Variants in LY96 observed in about 807,000 individuals in gnomAD.
LY96 encodes lymphocyte antigen 96.
In LY96, 18 loss-of-function variants were observed where a neutral mutation model predicts 18.9. That is an observed-to-expected ratio of 0.95 (90% CI 0.66 to 1.41). The LOEUF (loss-of-function observed/expected upper bound fraction) is 1.41, where lower values mean the gene tolerates loss of function less well. Among genes scored for constraint, LY96 ranks in the 40% most tolerant of loss-of-function variants. The pLI, the probability that LY96 is intolerant of heterozygous loss-of-function variation, is 0.00. For missense variants in LY96, 175 were observed against 182.4 expected, an observed-to-expected ratio of 0.96 and a Z score of 0.23; for synonymous variants, 66 against 62.6, an observed-to-expected ratio of 1.06 and a Z score of -0.26.
chr8:74,085,031 T>C, the LY96 span, among the ~76,000 whole-genome samples: 1 of 152,240 alleles, frequency 6.6e-6, no homozygotes, highest in African/African-American at 2.4e-5. Flanking sequence ...AGATAGACTT[T>C]CTGTTTAACT....
the LY96 span, among the ~76,000 whole-genome samples, chr8:74,082,978 G>A: frequency 3.9e-5 from 6 of 152,090 alleles, no homozygotes; most frequent in African/African-American, 1.2e-4. Context: ...AGGTGAGAGA[G>A]GACTTCCTGC....
At chr8:74,026,113 T>C (rs1186639150) in intron 3 of LY96, among the ~76,000 whole-genome samples, 1 of 151,892 alleles carries the variant, frequency 6.6e-6, no homozygotes, top group Non-Finnish European at 1.5e-5. Context: ...AATTATTTAC[T>C]TCTGAGAACA....
chr8:74,061,312 T>C, the LY96 span, among the ~76,000 whole-genome samples: 23 of 152,172 alleles, frequency 1.5e-4, no homozygotes, highest in African/African-American at 5.3e-4. Context: ...GTAGAGCTTG[T>C]TTCCTCTCTC....
At chr8:74,097,640 C>T in the LY96 span, among the ~76,000 whole-genome samples, 3 of 152,104 alleles carry the variant, frequency 2.0e-5, no homozygotes, top group Admixed American at 6.6e-5. Flanking sequence ...ACCCGGCAGG[C>T]GGAGGTTGCA....
chr8:74,007,947 A>T (rs2131266090), intron 2 of LY96, among the ~76,000 whole-genome samples: 1 of 152,296 alleles, frequency 6.6e-6, no homozygotes, highest in East Asian at 1.9e-4. Context: ...TTTAGCAGAG[A>T]CAGGGTTTCG....
At chr8:74,007,861 A>G (rs916754174) in intron 2 of LY96, among the ~76,000 whole-genome samples, 9 of 152,030 alleles carry the variant, frequency 5.9e-5, no homozygotes, top group African/African-American at 1.7e-4. Flanking sequence ...CTGGGTTCCA[A>G]CGATTCTCCT....
At chr8:74,026,293 C>G (rs1435463025) in intron 3 of LY96, among the ~76,000 whole-genome samples, 1 of 152,188 alleles carries the variant, frequency 6.6e-6, no homozygotes, top group Non-Finnish European at 1.5e-5. Context: ...TGCTCCACAG[C>G]TTGTGTGGGG....
the LY96 span, among the ~76,000 whole-genome samples, chr8:74,048,328 C>T: frequency 6.6e-6 from 1 of 150,908 alleles, no homozygotes; most frequent in Admixed American, 6.6e-5. Flanking sequence ...GTGGTGCAAT[C>T]TTGGCTCACT....
the LY96 span, among the ~76,000 whole-genome samples, chr8:74,044,990 G>A: frequency 5.9e-5 from 9 of 152,256 alleles, no homozygotes; most frequent in East Asian, 1.7e-3. Flanking sequence ...CTGTGAGAAT[G>A]TATAAAATTC....
At chr8:74,025,978 G>T (rs1298312940) in intron 3 of LY96, among the ~76,000 whole-genome samples, 1 of 151,670 alleles carries the variant, frequency 6.6e-6, no homozygotes, top group Non-Finnish European at 1.5e-5. Context: ...ATTGTACTCC[G>T]GCCTGGGCAA....
chr8:74,073,055 C>G, the LY96 span, among the ~76,000 whole-genome samples: 1 of 152,098 alleles, frequency 6.6e-6, no homozygotes, highest in Non-Finnish European at 1.5e-5. Context: ...AAAAGACAGA[C>G]GGAAATTAGA....
downstream of LY96, among the ~76,000 whole-genome samples, chr8:74,032,147 C>CA: frequency 6.6e-6 from 1 of 152,014 alleles, no homozygotes; most frequent in South Asian, 2.1e-4. Flanking sequence ...CAAAACAAAA[C>CA]AAAAAAACAA....
chr8:74,007,728 T>C (rs902181509), intron 2 of LY96, among the ~76,000 whole-genome samples: 1 of 152,214 alleles, frequency 6.6e-6, no homozygotes, highest in African/African-American at 2.4e-5. Context: ...AGCTAAAAAA[T>C]AGTCCTCTTT....
At chr8:74,024,754 T>C (rs146507566) in intron 3 of LY96, among the ~76,000 whole-genome samples, 6 of 152,318 alleles carry the variant, frequency 3.9e-5, no homozygotes, top group African/African-American at 1.4e-4. Context: ...TCTCATTGCA[T>C]ATTGTATTTG....
At chr8:74,083,854 G>A in the LY96 span, among the ~76,000 whole-genome samples, 3 of 151,802 alleles carry the variant, frequency 2.0e-5, no homozygotes, top group African/African-American at 7.3e-5. Flanking sequence ...CCCATGCCTG[G>A]CTAATTTTTT....
chr8:74,011,098 G>T (rs1477002846), intron 3 of LY96, among the ~76,000 whole-genome samples: 1 of 151,990 alleles, frequency 6.6e-6, no homozygotes. Flanking sequence ...TGAGCAAATC[G>T]TGATTTACGT....
At chr8:74,033,900 C>T (rs10109525), downstream of LY96, among the ~76,000 whole-genome samples, 3,518 of 145,856 alleles carry the variant, frequency 0.024, 133 homozygotes, top group African/African-American at 0.081. Flanking sequence ...CAATTGGAGA[C>T]TTTTTTTTTT....
At chr8:73,993,275 T>C (rs1816048201) in intron 1 of LY96, among the ~76,000 whole-genome samples, 1 of 152,066 alleles carries the variant, frequency 6.6e-6, no homozygotes, top group Non-Finnish European at 1.5e-5. Flanking sequence ...ACATTTTATC[T>C]TATTTTATCA....
chr8:74,069,177 T>G, the LY96 span, among the ~76,000 whole-genome samples: 1 of 152,234 alleles, frequency 6.6e-6, no homozygotes, highest in Non-Finnish European at 1.5e-5. Flanking sequence ...TATCTCTTTT[T>G]TAAACAATGT....
Sources: gnomAD v4.1 joint callset for allele counts (sites outside exome capture counted in the v4.1 genomes callset) on GRCh38, gnomAD v4.1.1 for gene constraint, MANE v1.5 for transcripts, NCBI Gene and HGNC (gene_info 2026-07-23, HGNC 2026-07-21) for gene names.